The following IL16 variants were observed in gnomAD, a reference collection of about 807,000 sequenced individuals.
IL16 encodes the protein interleukin 16.
In IL16, 67 loss-of-function variants were observed where a neutral mutation model predicts 110.1. That is an observed-to-expected ratio of 0.61 (90% CI 0.50 to 0.75). The LOEUF (loss-of-function observed/expected upper bound fraction) is 0.75. Ranked by LOEUF, IL16 falls within the 30% of genes least tolerant of loss-of-function variation. The probability of loss-of-function intolerance (pLI) is 0.00; values close to 1 mark genes in which losing one functional copy is unlikely to be tolerated. For missense variants in IL16, 1,545 were observed against 1,655.0 expected, an observed-to-expected ratio of 0.93 and a Z score of 1.15; for synonymous variants, 689 against 662.9, an observed-to-expected ratio of 1.04 and a Z score of -0.61.
At chr15:81,182,906 G>A in intron 1 of IL16, 1 of 1,287,810 alleles carries the variant, frequency 7.8e-7, no homozygotes, top group Non-Finnish European at 1.0e-6. Flanking sequence ...GGTGAGTGGA[G>A]CTCCTTCTCC....
rs1899872453 is a variant in IL16 at position 81,294,080 on chromosome 15, GC to G, written c.1902+1045del. On this transcript the variant is annotated intron_variant, in intron 12 of 18. Coordinates refer to ENST00000683961, the MANE Select transcript of IL16 (RefSeq NM_172217.5). ...GCACACCGTGGGCAGGTGGGAGGGG[GC>G]CTCTGGAAATCCCCTAAAACAATCT... Among the ~76,000 whole-genome samples, 11 of 152,342 alleles carry G rather than the reference GC, an allele frequency of 7.2e-5. No homozygotes were observed. The South Asian group carries it at 2.3e-3, about 32-fold the overall frequency.
At chr15:81,189,278 C>T (rs1287494045) in intron 1 of IL16, among the ~76,000 whole-genome samples, 7 of 151,980 alleles carry the variant, frequency 4.6e-5, no homozygotes, top group Non-Finnish European at 7.4e-5. Context: ...AGCCTGCCAT[C>T]GTGCCCGGCT....
rs1898719535 is a variant in IL16 at position 81,273,103 on chromosome 15, G to C, written c.689G>C (p.Ser230Thr). The C allele has an allele frequency of 6.2e-7, 1 of 1,613,088 alleles. No individual in the cohort carries two copies. The highest frequency in any genetic ancestry group is 8.5e-7 in the Non-Finnish European group (1 of 1,179,316). The change falls in exon 6 of 19, where the codon AGC becomes ACC. Residue 230 changes from serine to threonine, a missense_variant. Ser to Thr is a moderately conservative substitution (Grantham distance 58). This residue lies in a region of IL16 where 1,185 missense variants were observed against 1,238.8 expected (regional missense o/e 0.96). Transcript: ENST00000683961. ...MKGQAKGLGF[S>T]IVGGKDSIYG... is the part of the protein sequence containing the mutation. ...TTTTTTCCCCAGGGTCTGGGCTTCAGCATCGTTGGGGGAAAAGACAGCATT... is the reference window on the plus strand; with the variant it reads ...TTTTTTCCCCAGGGTCTGGGCTTCACCATCGTTGGGGGAAAAGACAGCATT...
intron 1 of IL16, among the ~76,000 whole-genome samples, chr15:81,212,346 C>G (rs1482381155): frequency 6.6e-6 from 1 of 151,898 alleles, no homozygotes; most frequent in Non-Finnish European, 1.5e-5. Flanking sequence ...AGTTATAATA[C>G]CATCTTTATT....
chr15:81,278,115 T>C (rs1898997838), intron 6 of IL16, among the ~76,000 whole-genome samples: 1 of 152,144 alleles, frequency 6.6e-6, no homozygotes, highest in South Asian at 2.1e-4. Context: ...TTTTCTCTAT[T>C]GTAAAATGGG....
chr15:81,259,072 A>T (rs1449712446), intron 2 of IL16, among the ~76,000 whole-genome samples: 4 of 152,216 alleles, frequency 2.6e-5, no homozygotes, highest in Non-Finnish European at 1.5e-5. Context: ...AAAAAGGATA[A>T]GAGAACCATA....
chr15:81,253,526 A>T (rs1455541257), intron 2 of IL16, among the ~76,000 whole-genome samples: 2 of 152,274 alleles, frequency 1.3e-5, no homozygotes, highest in Non-Finnish European at 2.9e-5. Context: ...ATCGTATTGA[A>T]GAAGCCTCTC....
In IL16 at chr15:81,225,321, G is replaced by A. The variant is rs1411789258; in HGVS notation, c.-79G>A. On this transcript the variant is annotated 5_prime_UTR_variant, in exon 2 of 19. Transcript: ENST00000683961. ...TAGGGACTCATGAAGTGGCAGCTAA[G>A]CCCTGTCCAGTGGCCACCCGTCAGC... is the stretch of plus-strand genomic sequence containing the variant. The A allele has an allele frequency of 2.6e-6, 4 of 1,559,412 alleles. No individual in the cohort carries two copies. Among genetic ancestry groups the A allele is most frequent in the Non-Finnish European group, 3.5e-6 (4 of 1,157,300 alleles).
At chr15:81,306,265 G>C (rs1900553550) in intron 17 of IL16, 99 bp downstream of exon 17, 2 of 1,531,410 alleles carry the variant, frequency 1.3e-6, no homozygotes, top group Non-Finnish European at 1.8e-6. Flanking sequence ...GTGACCCCAA[G>C]AATGTGTGGC....
chr15:81,242,831 G>T (rs1213869825), intron 2 of IL16, among the ~76,000 whole-genome samples: 2 of 151,800 alleles, frequency 1.3e-5, no homozygotes, highest in Non-Finnish European at 2.9e-5. Context: ...TATTAATTAT[G>T]GTTTTAGCCA....
intron 1 of IL16, among the ~76,000 whole-genome samples, chr15:81,203,642 C>T (rs1188835948): frequency 4.6e-5 from 7 of 152,088 alleles, no homozygotes; most frequent in African/African-American, 7.2e-5. Context: ...AGATATGCGG[C>T]ATTATTTCTG....
chr15:81,223,700 C>T (rs1896694350), intron 1 of IL16, among the ~76,000 whole-genome samples: 1 of 152,234 alleles, frequency 6.6e-6, no homozygotes, highest in South Asian at 2.1e-4. Context: ...TTCAAACAGA[C>T]ATTGTTGGAA....
At chr15:81,199,942 A>G (rs905206470) in intron 1 of IL16, among the ~76,000 whole-genome samples, 2 of 152,174 alleles carry the variant, frequency 1.3e-5, no homozygotes, top group African/African-American at 4.8e-5. Context: ...TGGCCCAAAG[A>G]AGGGAGCTAA....
intron 1 of IL16, among the ~76,000 whole-genome samples, chr15:81,214,003 A>G (rs911861947): frequency 6.8e-6 from 1 of 147,970 alleles, no homozygotes; most frequent in Non-Finnish European, 1.5e-5. Context: ...CCTGTGGGCT[A>G]TGTGCTTAAG....
At chr15:81,304,319 T>G (rs4577037) in intron 16 of IL16, among the ~76,000 whole-genome samples, 16,511 of 152,224 alleles carry the variant, frequency 0.11, 1,104 homozygotes, top group African/African-American at 0.18. Flanking sequence ...GTAGTTTACT[T>G]TCTACTTGAA....
chr15:81,215,598 G>A (rs1896397612), intron 1 of IL16, among the ~76,000 whole-genome samples: 1 of 152,174 alleles, frequency 6.6e-6, no homozygotes, highest in African/African-American at 2.4e-5. Context: ...CCAGTTATGT[G>A]CCCGTGTTTC....
chr15:81,237,118 G>T (rs1897201596), intron 2 of IL16, among the ~76,000 whole-genome samples: 1 of 152,068 alleles, frequency 6.6e-6, no homozygotes, highest in Non-Finnish European at 1.5e-5. Flanking sequence ...TGTCCTTGTG[G>T]CTCTCTGCCT....
chr15:81,196,000 A>G (rs937795226), upstream of IL16, among the ~76,000 whole-genome samples: 5 of 152,122 alleles, frequency 3.3e-5, no homozygotes, highest in African/African-American at 1.2e-4. Context: ...GGGCTCTCGC[A>G]CCTGAGCACG....
chr15:81,203,172 GT>G (rs1227189404), intron 1 of IL16, among the ~76,000 whole-genome samples: 13 of 149,684 alleles, frequency 8.7e-5, no homozygotes, highest in Admixed American at 7.2e-4. Flanking sequence ...TGATGGGGTT[GT>G]TTTTTTCTTG....
Sources: allele counts gnomAD v4.1 joint callset (sites outside exome capture counted in the v4.1 genomes callset), GRCh38; gene constraint gnomAD v4.1.1; regional missense constraint gnomAD v4.1.1; transcripts MANE v1.5; gene names NCBI Gene and HGNC (gene_info 2026-07-23, HGNC 2026-07-21).